The following EPHA6 variants were observed in gnomAD, a reference collection of about 807,000 sequenced individuals.
EPHA6 encodes the protein ephrin type-A receptor 6.
In EPHA6, 50 loss-of-function variants were observed where a neutral mutation model predicts 112.0. The observed-to-expected ratio is 0.45, with a 90% CI of 0.36 to 0.56. The LOEUF (loss-of-function observed/expected upper bound fraction) is 0.56, where lower values mean the gene tolerates loss of function less well. Among genes scored for constraint, EPHA6 ranks in the 20% least tolerant of loss-of-function variants. The pLI is 0.00. For missense variants in EPHA6, 1,280 were observed against 1,417.4 expected (o/e 0.90, Z 1.56); for synonymous variants, 529 against 490.7 (o/e 1.08, Z -1.03).
intron 5 of EPHA6, among the ~76,000 whole-genome samples, chr3:97,362,774 G>A (rs1163993563): frequency 6.6e-6 from 1 of 151,838 alleles, no homozygotes; most frequent in Non-Finnish European, 1.5e-5. Context: ...CTGAGTCAAG[G>A]TGTCAATTTT....
At chr3:97,140,999 CA>C (rs919359951) in intron 3 of EPHA6, among the ~76,000 whole-genome samples, 5 of 151,688 alleles carry the variant, frequency 3.3e-5, no homozygotes, top group Admixed American at 2.0e-4. Context: ...ACCATGCAAG[CA>C]AAAAACAATG....
intron 2 of EPHA6, among the ~76,000 whole-genome samples, chr3:96,924,091 T>A (rs1238183890): frequency 6.6e-6 from 1 of 152,144 alleles, no homozygotes; most frequent in Non-Finnish European, 1.5e-5. Flanking sequence ...ACCTCTAGAT[T>A]TTTTCTTTTT....
chr3:96,995,820 A>G (rs1266881528), intron 3 of EPHA6, among the ~76,000 whole-genome samples: 1 of 152,120 alleles, frequency 6.6e-6, no homozygotes, highest in African/African-American at 2.4e-5. Flanking sequence ...TTGCTGGTGG[A>G]GAATCTTGAC....
In EPHA6 at chr3:96,912,349, G is replaced by A. The variant is rs1018568123; in HGVS notation, c.450+45460G>A. Among the ~76,000 whole-genome samples the A allele has an allele frequency of 3.3e-5, 5 of 152,172 alleles. No individual in the cohort carries two copies. The East Asian group carries it at 9.7e-4, about 30-fold the overall frequency. On this transcript the variant is annotated intron_variant, in intron 2 of 17. Coordinates refer to ENST00000389672, the MANE Select transcript of EPHA6 (RefSeq NM_001080448.3). ...CAGGAACTAATTGCCAATCAATAGT[G>A]AAACAACAAGTATGCCATCATGAAA...
At chr3:97,367,558 G>A (rs998963594) in intron 5 of EPHA6, among the ~76,000 whole-genome samples, 1 of 151,888 alleles carries the variant, frequency 6.6e-6, no homozygotes, top group Admixed American at 6.6e-5. Flanking sequence ...TGTGTTGGGG[G>A]GTTGTTTTTA....
rs139541212 is a variant in EPHA6 at position 97,331,623 on chromosome 3, G to A, written c.1607-73527G>A. The stretch of plus-strand genomic sequence containing the variant: ...CAAAGAATACTATAAACACCTCTAC[G>A]CAAATAAACGAGAGAATCTAGACAA... On this transcript the variant is annotated intron_variant, in intron 5 of 17. Coordinates refer to ENST00000389672, the MANE Select transcript of EPHA6 (RefSeq NM_001080448.3). Among the ~76,000 whole-genome samples the A allele has an allele frequency of 2.5e-3, 376 of 152,228 alleles. 1 individual carries two copies. The highest frequency in any genetic ancestry group is 8.5e-3 in the African/African-American group (353 of 41,544).
intron 14 of EPHA6, among the ~76,000 whole-genome samples, chr3:97,677,831 A>G (rs2031530769): frequency 6.6e-6 from 1 of 152,030 alleles, no homozygotes; most frequent in Admixed American, 6.6e-5. Context: ...GAGTATAACC[A>G]TGGAAGTGAA....
At chr3:97,526,568 G>A (rs948178133) in intron 10 of EPHA6, among the ~76,000 whole-genome samples, 1 of 148,488 alleles carries the variant, frequency 6.7e-6, no homozygotes, top group Non-Finnish European at 1.5e-5. Context: ...TGAGATTTGG[G>A]GCCCAGTTAT....
chr3:97,600,565 C>T (rs1252581579), intron 12 of EPHA6, among the ~76,000 whole-genome samples: 2 of 151,998 alleles, frequency 1.3e-5, no homozygotes, highest in African/African-American at 2.4e-5. Context: ...AAAACTCAGC[C>T]ATTATTTAAC....
Position 97,012,727 on chromosome 3 carries a change from G to C in EPHA6, c.1114+24734G>C, listed in dbSNP as rs1576320535. ...TGCCCCCCTCGGCCTCTCAAGTACT[G>C]GGATTACAGGTATGAGCCACCACAC... On this transcript the variant is annotated intron_variant, in intron 3 of 17. Transcript: ENST00000389672. Among the ~76,000 whole-genome samples, 3 of 150,402 alleles carry C rather than the reference G, an allele frequency of 2.0e-5. No individual in the cohort carries two copies. The East Asian group carries it at 5.9e-4, about 30-fold the overall frequency.
chr3:97,266,804 G>C (rs2079701460), intron 5 of EPHA6, among the ~76,000 whole-genome samples: 1 of 149,948 alleles, frequency 6.7e-6, no homozygotes. Flanking sequence ...AAAGAAAAGT[G>C]AGAATCAGGA....
At chr3:97,082,250 G>A (rs1157743175) in intron 3 of EPHA6, among the ~76,000 whole-genome samples, 1 of 151,762 alleles carries the variant, frequency 6.6e-6, no homozygotes, top group Non-Finnish European at 1.5e-5. Context: ...AAATGAGCGT[G>A]TATTACTTTT....
intron 3 of EPHA6, among the ~76,000 whole-genome samples, chr3:97,120,785 C>T (rs1293340689): frequency 6.6e-6 from 1 of 151,572 alleles, no homozygotes; most frequent in Non-Finnish European, 1.5e-5. Context: ...TGTTTCTTTC[C>T]CTTGAACCAA....
At chr3:97,018,729 G>T (rs1315679375) in intron 3 of EPHA6, among the ~76,000 whole-genome samples, 1 of 152,244 alleles carries the variant, frequency 6.6e-6, no homozygotes, top group Non-Finnish European at 1.5e-5. Flanking sequence ...TAGGCCTCCG[G>T]ATAACCGCAA....
At chr3:97,611,889 T>C (rs2093723285) in intron 13 of EPHA6, among the ~76,000 whole-genome samples, 1 of 151,962 alleles carries the variant, frequency 6.6e-6, no homozygotes, top group African/African-American at 2.4e-5. Flanking sequence ...TTTTTCTTGG[T>C]TCTGGGCCCT....
At chr3:97,066,074 T>C (rs1012326404) in intron 3 of EPHA6, among the ~76,000 whole-genome samples, 1 of 152,080 alleles carries the variant, frequency 6.6e-6, no homozygotes, top group Admixed American at 6.6e-5. Context: ...TCAATAAATA[T>C]TTGTTGAATG....
intron 2 of EPHA6, among the ~76,000 whole-genome samples, chr3:96,930,030 G>A (rs112031865): frequency 0.01 from 1,585 of 152,206 alleles, 26 homozygotes; most frequent in African/African-American, 0.036. Context: ...TTGTGATTGC[G>A]TTGTGAAGTT....
chr3:97,320,831 AT>A (rs74423182), intron 5 of EPHA6, among the ~76,000 whole-genome samples: 9,756 of 134,548 alleles, frequency 0.073, 508 homozygotes, highest in Admixed American at 0.089. Context: ...AATAAAAAAA[AT>A]AAAAAAAAAG....
At chr3:97,171,343 T>C (rs992216291) in intron 3 of EPHA6, among the ~76,000 whole-genome samples, 1 of 152,060 alleles carries the variant, frequency 6.6e-6, no homozygotes, top group Admixed American at 6.6e-5. Context: ...TTTTGAATCA[T>C]GGAATAAGAA....
Sources: gnomAD v4.1 joint callset for allele counts (sites outside exome capture counted in the v4.1 genomes callset) on GRCh38, gnomAD v4.1.1 for gene constraint, MANE v1.5 for transcripts, NCBI Gene and HGNC (gene_info 2026-07-23, HGNC 2026-07-21) for gene names.